PSMD10: variants seen among roughly 807,000 people sequenced by gnomAD.
The protein encoded by PSMD10 is proteasome 26S subunit, non-ATPase 10.
PSMD10 carries 2 observed loss-of-function variants against 13.2 expected under a neutral mutation model. The ratio of observed to expected loss-of-function variants is 0.15; its 90% CI spans 0.06 to 0.48. The LOEUF is 0.48. Among genes scored for constraint, PSMD10 ranks in the 20% least tolerant of loss-of-function variants. PSMD10 has a pLI of 0.97. For missense variants in PSMD10, 120 were observed against 167.4 expected (o/e 0.72, Z 1.56); for synonymous variants, 66 against 64.4 (o/e 1.03, Z -0.12).
At chrX:108,089,161 G>A (rs760219573) in intron 1 of PSMD10, among the ~76,000 whole-genome samples, 72 of 112,393 alleles carry the variant, frequency 6.4e-4, no homozygotes, top group Non-Finnish European at 1.0e-3. Flanking sequence ...CATTATTTAC[G>A]TACTTTTATG....
intron 1 of PSMD10, among the ~76,000 whole-genome samples, chrX:108,089,562 G>A (rs994841811): frequency 8.0e-5 from 9 of 112,128 alleles, no homozygotes; most frequent in Admixed American, 1.9e-4. Flanking sequence ...GGCCGGGTGC[G>A]GTGGTTCACG....
intron 1 of PSMD10, among the ~76,000 whole-genome samples, chrX:108,090,595 T>C (rs2031578989): frequency 1.8e-5 from 2 of 111,833 alleles, no homozygotes; most frequent in African/African-American, 6.5e-5. Flanking sequence ...AGACACAAAA[T>C]GGAGATCTGT....
rs1254850220 is a variant in PSMD10, at chrX:108,088,349, A to T, written c.214-250T>A. 7 of 356,538 alleles carry T rather than the reference A, an allele frequency of 2.0e-5. No homozygotes were observed. In the Admixed American group the frequency reaches 3.7e-4, roughly 19 times the overall value. 29.4% of individuals were successfully genotyped at this position (356,538 alleles called of 1,213,427 possible). On this transcript the variant is annotated intron_variant, in intron 2 of 4. Transcript: ENST00000217958. ...ATGTTCACCAAAAAACAAAAAATCC[A>T]ACATAATAGAAAGAGTTTATGGTCT... is the stretch of plus-strand genomic sequence containing the variant.
chrX:108,085,631 A>G (rs1569295437), intron 4 of PSMD10, among the ~76,000 whole-genome samples: 1 of 112,003 alleles, frequency 8.9e-6, no homozygotes, highest in Non-Finnish European at 1.9e-5. Flanking sequence ...TAAAGTTCCT[A>G]CCTATGCTGA....
intron 4 of PSMD10, 66 bp from the exon 5 acceptor site, chrX:108,085,193 T>G: frequency 9.8e-7 from 1 of 1,021,826 alleles, no homozygotes; most frequent in Non-Finnish European, 1.3e-6. Flanking sequence ...TAGGATTTCT[T>G]GCTAGGTAGT....
Position 108,088,869 on chromosome X carries a change from AG to A in PSMD10, c.115-20del. 7.2e-6 allele frequency: 8 copies of A among 1,104,467 alleles called. No individual in the cohort carries two copies. The highest frequency in any genetic ancestry group is 9.7e-6 in the Non-Finnish European group (8 of 821,596). The allele number at this position is 1,104,467 out of a possible 1,213,427, so 91.0% of individuals were successfully genotyped here. On this transcript the variant is annotated intron_variant, in intron 1 of 4. Transcript: ENST00000217958. ...TGCTGTCCTACAGAGAAGCAGTAATAGAAACATTCTTGAAATAGAAGGCAAA... is the reference window on the plus strand; with the variant it reads ...TGCTGTCCTACAGAGAAGCAGTAATAAAACATTCTTGAAATAGAAGGCAAA...
intron 1 of PSMD10, among the ~76,000 whole-genome samples, chrX:108,090,390 TGACTG>T (rs1223633482): frequency 1.5e-4 from 17 of 112,184 alleles, no homozygotes; most frequent in African/African-American, 5.5e-4. Flanking sequence ...GCCACTGACT[TGACTG>T]AAGAATGGTT....
rs2031518444 is a variant in PSMD10 at position 108,088,020 on chromosome X, T to C, written c.293A>G (p.Gln98Arg). ...IVKALLGKGA[Q>R]VNAVNQNGCT... ...GCCATTTTGATTGACAGCATTCACT[T>C]GAGCACCTTTTCCCAGAAGGGCTTT... The change falls in exon 3 of 5, where the codon CAA becomes CGA. Residue 98 changes from glutamine (Q) to arginine (R), a missense_variant. By Grantham distance (43) the Gln-to-Arg change is conservative (BLOSUM62 1). Around this residue, in one of 3 missense-constraint regions of PSMD10, gnomAD observed 68 missense variants for 124.8 expected, o/e 0.54. Coordinates refer to ENST00000217958, the MANE Select transcript of PSMD10 (RefSeq NM_002814.4). 8.3e-7 allele frequency: 1 copy of C among 1,208,702 alleles called. No homozygotes were observed. The highest frequency in any genetic ancestry group is 1.8e-5 in the African/African-American group (1 of 57,019).
At position 108,085,073 on chromosome X, in the gene PSMD10, T is replaced by G. The variant is rs754719421; in HGVS notation, c.582A>C (p.Gln194His). The G allele has an allele frequency of 1.2e-5, 14 of 1,208,362 alleles. No individual in the cohort carries two copies. In the African/African-American group the frequency reaches 2.1e-4, roughly 18 times the overall value. ...RVEEAKLLVSQGASIYIENKE... is the reference protein window; with the variant it reads ...RVEEAKLLVSHGASIYIENKE... ...TATTCTCAATGTAAATACTTGCTCC[T>G]TGGGACACCAGCAGTTTTGCTTCTT... Residue 194 changes from glutamine to histidine, a missense_variant, in exon 5 of 5, where the codon CAA becomes CAC. Around this residue, in one of 3 missense-constraint regions of PSMD10, gnomAD observed 68 missense variants for 124.8 expected, o/e 0.54. Transcript: ENST00000217958.
In PSMD10 at chrX:108,091,433, T is replaced by G; in HGVS notation, c.88A>C (p.Lys30Gln). ...EELKESILAD[K>Q]SLATRTDQDS... ...TGGTCAGTTCTAGTAGCCAGGGATT[T>G]ATCGGCCAGAATACTCTCCTTCAAC... The change falls in exon 1 of 5, where the codon AAA (lysine) becomes CAA (glutamine). Residue 30 changes from lysine to glutamine, a missense_variant. Transcript: ENST00000217958. The G allele has an allele frequency of 8.2e-7, 1 of 1,212,264 alleles. No individual in the cohort carries two copies.
At chrX:108,090,511 A>AT (rs1408751521) in intron 1 of PSMD10, among the ~76,000 whole-genome samples, 4 of 112,249 alleles carry the variant, frequency 3.6e-5, no homozygotes, top group African/African-American at 1.3e-4. Flanking sequence ...AGATAAGGCC[A>AT]TTTTCAGGTT....
In PSMD10 at chrX:108,089,960, A is replaced by T. The variant is rs886455348; in HGVS notation, c.115-1110T>A. Among the ~76,000 whole-genome samples, 8 of 112,701 alleles carry T rather than the reference A, an allele frequency of 7.1e-5. 1 individual carries two copies. Among genetic ancestry groups the T allele is most frequent in the Admixed American group, 5.6e-4 (6 of 10,737 alleles). Reference sequence around the variant, plus strand: ...CCCACAGAATAGAAAATGGTATTTTAAACTCTATTACAAAAAAATTTCAAA... The same window carrying T: ...CCCACAGAATAGAAAATGGTATTTTTAACTCTATTACAAAAAAATTTCAAA... On this transcript the variant is annotated intron_variant, in intron 1 of 4. Transcript: ENST00000217958.
intron 2 of PSMD10, 153 bp downstream of exon 2, chrX:108,088,599 T>TC (rs1489872963): frequency 7.6e-5 from 35 of 460,840 alleles, no homozygotes; most frequent in Middle Eastern, 6.6e-4. Flanking sequence ...CAACCATGAG[T>TC]CTCATGCTTG....
intron 4 of PSMD10, 76 bp downstream of exon 4, chrX:108,087,610 A>G: frequency 2.7e-6 from 3 of 1,125,770 alleles, no homozygotes; most frequent in Non-Finnish European, 3.5e-6. Context: ...AGAATAAAAA[A>G]AGAAATGATG....
chrX:108,086,855 G>A (rs766381431), intron 4 of PSMD10, among the ~76,000 whole-genome samples: 4 of 111,680 alleles, frequency 3.6e-5, no homozygotes, highest in Admixed American at 1.9e-4. Flanking sequence ...ATTTGTTGAC[G>A]CAGCAATTCC....
intron 1 of PSMD10, 48 bp from the exon 2 acceptor site, chrX:108,088,898 A>G: frequency 1.0e-6 from 1 of 984,891 alleles, no homozygotes; most frequent in Non-Finnish European, 1.4e-6. Flanking sequence ...AAGGCAAAAA[A>G]GCAAGAAAAA....
rs1315200621 is a variant in PSMD10, at chrX:108,091,467, C to G, written c.54G>C (p.Lys18Asn). 8.2e-7 allele frequency: 1 copy of G among 1,212,580 alleles called. No individual in the cohort carries two copies. Residue 18 changes from lysine to asparagine, a missense_variant, in exon 1 of 5, where the codon AAG (lysine) becomes AAC (asparagine). This residue lies in a region of PSMD10 where 32 missense variants were observed against 26.2 expected (regional missense o/e 1.22). Coordinates refer to ENST00000217958, the MANE Select transcript of PSMD10 (RefSeq NM_002814.4). ...GAATACTCTCCTTCAACTCTTCCAG[C>G]TTCCCGCTGTAGGCCAGGTTGCAGA... ...LMVCNLAYSG[K>N]LEELKESILA...
chrX:108,086,064 A>G (rs2031493864), intron 4 of PSMD10, among the ~76,000 whole-genome samples: 1 of 111,901 alleles, frequency 8.9e-6, no homozygotes, highest in Non-Finnish European at 1.9e-5. Context: ...TTTAAAAACT[A>G]AGAGTTAAGA....
chrX:108,091,084 G>A (rs1161787590), intron 1 of PSMD10, among the ~76,000 whole-genome samples: 1 of 113,557 alleles, frequency 8.8e-6, no homozygotes, highest in African/African-American at 3.2e-5. Flanking sequence ...ACTGAATACA[G>A]TTACTAGTAA....
Sources: gnomAD v4.1 joint callset for allele counts (sites outside exome capture counted in the v4.1 genomes callset) on GRCh38, gnomAD v4.1.1 for gene constraint, gnomAD v4.1.1 regional missense constraint, MANE v1.5 for transcripts, NCBI Gene and HGNC (gene_info 2026-07-23, HGNC 2026-07-21) for gene names.